The following NEK10 variants were observed in gnomAD, a reference collection of about 807,000 sequenced individuals.
NEK10 encodes NIMA related kinase 10.
A neutral mutation model predicts 159.8 loss-of-function variants in NEK10; 122 were observed. The ratio of observed to expected loss-of-function variants is 0.76; its 90% CI spans 0.66 to 0.89. The LOEUF (loss-of-function observed/expected upper bound fraction) is 0.89, where lower values mean the gene tolerates loss of function less well. NEK10 is among the 40% of genes least tolerant of loss of function. NEK10 has a pLI of 0.00. For synonymous variants in NEK10, 466 were observed against 457.1 expected (o/e 1.02, Z -0.25); for missense variants, 1,342 against 1,323.1 (o/e 1.01, Z -0.22).
chr3:27,293,465 A>G (rs1480454631), intron 16 of NEK10, 123 bp downstream of exon 16: 2 of 508,078 alleles, frequency 3.9e-6, no homozygotes, highest in Admixed American at 3.7e-5. Context: ...AAATCTGAAG[A>G]CACATGGTTT....
intron 23 of NEK10, among the ~76,000 whole-genome samples, chr3:27,235,146 C>A (rs935627331): frequency 2.6e-5 from 4 of 151,752 alleles, no homozygotes; most frequent in Non-Finnish European, 5.9e-5. Context: ...ATCTAAAACC[C>A]AAAACTATAA....
chr3:27,333,541 C>T (rs1263965792), intron 5 of NEK10, among the ~76,000 whole-genome samples: 42 of 146,822 alleles, frequency 2.9e-4, no homozygotes, highest in Admixed American at 2.8e-3. Flanking sequence ...AGCAAAACTC[C>T]GTCTCAAAAA....
chr3:27,234,784 CA>C (rs1953717959), intron 23 of NEK10, among the ~76,000 whole-genome samples: 1 of 151,884 alleles, frequency 6.6e-6, no homozygotes, highest in Admixed American at 6.6e-5. Flanking sequence ...CATATGGAAC[CA>C]AAAAAGTGCC....
rs571187279 is a variant in NEK10 at position 27,300,700 on chromosome 3, G to A, written c.1168+996C>T. 3.3e-5 allele frequency among the ~76,000 whole-genome samples: 5 copies of A among 151,954 alleles called. No individual in the cohort carries two copies. The South Asian group carries it at 6.2e-4, about 19-fold the overall frequency. ...AACTGTTCTTCTGAATTCTATCACC[G>A]TCAATCTCATCCACTCTTTGAATGA... On this transcript the variant is annotated intron_variant, in intron 13 of 35. Coordinates refer to ENST00000691995, the MANE Select transcript of NEK10 (RefSeq NM_001394966.1).
chr3:27,244,083 C>T (rs968582500), intron 23 of NEK10, among the ~76,000 whole-genome samples: 3 of 152,190 alleles, frequency 2.0e-5, no homozygotes, highest in African/African-American at 2.4e-5. Context: ...TACCCTGTGG[C>T]TTTACAATGC....
intron 16 of NEK10, among the ~76,000 whole-genome samples, chr3:27,292,652 G>C (rs1030366334): frequency 2.0e-5 from 3 of 151,840 alleles, no homozygotes; most frequent in African/African-American, 7.3e-5. Flanking sequence ...TGGCCAACGT[G>C]GTGAAAACCC....
chr3:27,292,785 A>AG (rs1359346325), intron 16 of NEK10, among the ~76,000 whole-genome samples: 13 of 151,190 alleles, frequency 8.6e-5, no homozygotes, highest in Admixed American at 2.6e-4. Flanking sequence ...AAAAAAAAAA[A>AG]GAGAACTAAT....
chr3:27,245,318 T>G (rs1316837972), intron 23 of NEK10, among the ~76,000 whole-genome samples: 1 of 152,198 alleles, frequency 6.6e-6, no homozygotes, highest in Non-Finnish European at 1.5e-5. Context: ...ACCATGCACC[T>G]GCTTCCATCT....
intron 30 of NEK10, among the ~76,000 whole-genome samples, chr3:27,156,060 G>T (rs980144670): frequency 1.1e-4 from 16 of 152,076 alleles, no homozygotes; most frequent in African/African-American, 3.6e-4. Flanking sequence ...TTCAACAAAT[G>T]GTGCTGGGAT....
chr3:27,305,418 G>A (rs905250229), intron 11 of NEK10, among the ~76,000 whole-genome samples: 1 of 152,090 alleles, frequency 6.6e-6, no homozygotes, highest in African/African-American at 2.4e-5. Context: ...CAGCCACTTG[G>A]GAGGCTGAGG....
intron 26 of NEK10, among the ~76,000 whole-genome samples, chr3:27,187,273 G>A (rs1400003000): frequency 6.6e-6 from 1 of 152,134 alleles, no homozygotes; most frequent in Non-Finnish European, 1.5e-5. Flanking sequence ...GTACTCTGTT[G>A]CCATCTTCGG....
At chr3:27,142,153 T>C (rs1480493984) in intron 30 of NEK10, among the ~76,000 whole-genome samples, 1 of 152,226 alleles carries the variant, frequency 6.6e-6, no homozygotes, top group Non-Finnish European at 1.5e-5. Flanking sequence ...GGCACATTTA[T>C]AATTTATCCT....
At chr3:27,268,123 G>A (rs879520073) in intron 22 of NEK10, among the ~76,000 whole-genome samples, 1 of 152,250 alleles carries the variant, frequency 6.6e-6, no homozygotes, top group Non-Finnish European at 1.5e-5. Flanking sequence ...TGAGAGAGGT[G>A]AGAAAGCTGC....
chr3:27,191,351 C>A (rs1304353901), intron 26 of NEK10, among the ~76,000 whole-genome samples: 1 of 150,890 alleles, frequency 6.6e-6, no homozygotes, highest in Non-Finnish European at 1.5e-5. Context: ...GGGTGGAGGC[C>A]CAAAGCATGA....
chr3:27,294,898 G>A (rs754044060), intron 15 of NEK10, among the ~76,000 whole-genome samples: 4 of 151,808 alleles, frequency 2.6e-5, no homozygotes, highest in East Asian at 3.9e-4. Flanking sequence ...AGAACCCTGC[G>A]TAACTGTTCC....
chr3:27,121,751 C>A (rs528204363), intron 32 of NEK10, among the ~76,000 whole-genome samples: 8 of 152,252 alleles, frequency 5.3e-5, no homozygotes, highest in Non-Finnish European at 1.2e-4. Context: ...TCAGACAAAA[C>A]TAACCAAGGG....
At chr3:27,351,168 T>C (rs1044318957) in intron 3 of NEK10, among the ~76,000 whole-genome samples, 1 of 151,484 alleles carries the variant, frequency 6.6e-6, no homozygotes, top group Non-Finnish European at 1.5e-5. Flanking sequence ...GTCTTGGAAA[T>C]GGGTGAGATT....
At chr3:27,213,077 G>A (rs3099197) in intron 23 of NEK10, among the ~76,000 whole-genome samples, 10 of 152,194 alleles carry the variant, frequency 6.6e-5, no homozygotes, top group Non-Finnish European at 1.5e-5. Context: ...GAAACCTCTA[G>A]AGGGTATTTA....
At chr3:27,359,509 T>C (rs1045492239) in intron 1 of NEK10, among the ~76,000 whole-genome samples, 6 of 152,190 alleles carry the variant, frequency 3.9e-5, no homozygotes, top group Admixed American at 3.9e-4. Context: ...TAACTAGAAG[T>C]ACAAAATGGA....
Sources: allele counts gnomAD v4.1 joint callset (sites outside exome capture counted in the v4.1 genomes callset), GRCh38; gene constraint gnomAD v4.1.1; transcripts MANE v1.5; gene names NCBI Gene and HGNC (gene_info 2026-07-23, HGNC 2026-07-21).